Variants in PDE4B observed in about 807,000 individuals in gnomAD.
PDE4B encodes 3',5'-cyclic-AMP phosphodiesterase 4B.
In PDE4B, 20 loss-of-function variants were observed where a neutral mutation model predicts 82.2. The ratio of observed to expected loss-of-function variants is 0.24; its 90% CI spans 0.17 to 0.35. The LOEUF is 0.35. Ranked by LOEUF, PDE4B falls within the 10% of genes least tolerant of loss-of-function variation. The probability of loss-of-function intolerance (pLI) is 1.00; values close to 1 mark genes in which losing one functional copy is unlikely to be tolerated. For missense variants in PDE4B, 655 were observed against 907.2 expected, an observed-to-expected ratio of 0.72 and a Z score of 3.57; for synonymous variants, 320 against 318.9, an observed-to-expected ratio of 1.00 and a Z score of -0.04.
chr1:65,889,747 C>T (rs984491265), intron 1 of PDE4B, among the ~76,000 whole-genome samples: 1 of 152,126 alleles, frequency 6.6e-6, no homozygotes, highest in African/African-American at 2.4e-5. Flanking sequence ...AACAGATGCA[C>T]TGGCAATGTG....
intron 3 of PDE4B, among the ~76,000 whole-genome samples, chr1:66,000,270 G>T (rs1651793322): frequency 6.6e-6 from 1 of 152,078 alleles, no homozygotes; most frequent in Non-Finnish European, 1.5e-5. Flanking sequence ...TTGTTATTTT[G>T]CCTTCAAAAT....
At chr1:66,139,685 C>CA (rs1252147526) in intron 3 of PDE4B, among the ~76,000 whole-genome samples, 1 of 140,652 alleles carries the variant, frequency 7.1e-6, no homozygotes, top group African/African-American at 2.7e-5. Context: ...CCCCTAGAAA[C>CA]AAGGGAGCAT....
chr1:65,989,477 C>T (rs946738865), intron 3 of PDE4B, among the ~76,000 whole-genome samples: 1 of 151,696 alleles, frequency 6.6e-6, no homozygotes, highest in Non-Finnish European at 1.5e-5. Context: ...GGTGACACAG[C>T]GAGACACTGT....
At chr1:65,995,899 A>G (rs1023755839) in intron 3 of PDE4B, among the ~76,000 whole-genome samples, 12 of 152,192 alleles carry the variant, frequency 7.9e-5, no homozygotes, top group African/African-American at 2.9e-4. Flanking sequence ...AATGCAGAGG[A>G]TGCAGTTTAT....
rs144132440 is a variant in PDE4B, at chr1:66,083,130, C to T, written c.281+164295C>T. 3.1e-4 allele frequency among the ~76,000 whole-genome samples: 47 copies of T among 152,220 alleles called. No individual in the cohort carries two copies. The East Asian group carries it at 9.1e-3, about 29-fold the overall frequency. ...ACAGCCTTCTAGTTAGTGTCCATGC[C>T]TATAGTATTTTCTCCTTCATTCTCT... On this transcript the variant is annotated intron_variant, in intron 3 of 16. Coordinates refer to ENST00000341517, the MANE Select transcript of PDE4B (RefSeq NM_002600.4).
intron 1 of PDE4B, among the ~76,000 whole-genome samples, chr1:65,841,835 A>G (rs1646211077): frequency 6.6e-6 from 1 of 152,174 alleles, no homozygotes; most frequent in Admixed American, 6.6e-5. Context: ...TATAAGAGAA[A>G]TTCCATTTTG....
At chr1:66,191,822 T>A (rs1647831720) in intron 3 of PDE4B, among the ~76,000 whole-genome samples, 1 of 152,118 alleles carries the variant, frequency 6.6e-6, no homozygotes, top group Non-Finnish European at 1.5e-5. Context: ...ACGTTTCACA[T>A]AGCAGCAGAC....
At chr1:65,985,621 C>A (rs577429560) in intron 3 of PDE4B, among the ~76,000 whole-genome samples, 1 of 152,166 alleles carries the variant, frequency 6.6e-6, no homozygotes, top group African/African-American at 2.4e-5. Context: ...AACTGGAGTA[C>A]CCTCTTTTAG....
chr1:65,985,055 A>G (rs552710204), intron 3 of PDE4B, among the ~76,000 whole-genome samples: 80 of 152,156 alleles, frequency 5.3e-4, no homozygotes, highest in Non-Finnish European at 1.0e-3. Flanking sequence ...AAATTCTAAT[A>G]TGAACAGATT....
intron 3 of PDE4B, among the ~76,000 whole-genome samples, chr1:65,942,641 A>G (rs778300349): frequency 1.3e-5 from 2 of 151,986 alleles, no homozygotes; most frequent in Non-Finnish European, 2.9e-5. Context: ...TTACATTTTC[A>G]TCTACACTGT....
At chr1:66,105,349 A>T (rs1363468918) in intron 3 of PDE4B, among the ~76,000 whole-genome samples, 2 of 151,632 alleles carry the variant, frequency 1.3e-5, no homozygotes, top group East Asian at 1.9e-4. Context: ...GTAGCCTTGT[A>T]GTATAGTTTG....
intron 3 of PDE4B, among the ~76,000 whole-genome samples, chr1:66,228,160 T>C (rs894253641): frequency 1.4e-4 from 21 of 152,214 alleles, no homozygotes; most frequent in African/African-American, 4.3e-4. Flanking sequence ...ACATCTGTCT[T>C]GTTAACCTGA....
At chr1:65,912,916 A>G (rs755113013) in intron 1 of PDE4B, among the ~76,000 whole-genome samples, 11 of 152,198 alleles carry the variant, frequency 7.2e-5, no homozygotes, top group African/African-American at 2.7e-4. Context: ...AAAATATTTT[A>G]TGGGAATATA....
At chr1:65,953,625 C>T (rs1056675745) in intron 3 of PDE4B, among the ~76,000 whole-genome samples, 1 of 152,060 alleles carries the variant, frequency 6.6e-6, no homozygotes, top group Non-Finnish European at 1.5e-5. Context: ...AGACTGCTGA[C>T]CTTCAGAACT....
intron 3 of PDE4B, among the ~76,000 whole-genome samples, chr1:65,929,780 GA>G (rs1024803277): frequency 7.2e-5 from 11 of 152,152 alleles, no homozygotes; most frequent in Admixed American, 7.2e-4. Context: ...GGTGAATTGG[GA>G]GTGTCAAATG....
chr1:66,368,822 C>T lies in PDE4B; in HGVS notation c.1698C>T (p.Ser566=). The part of the protein sequence containing the change: ...LRNMVHCADL[S]NPTKSLELYR... ...ACATGGTACACTGTGCAGACCTGAGCAACCCCACCAAGTCCTTGGAATTGT... is the reference window on the plus strand; with the variant it reads ...ACATGGTACACTGTGCAGACCTGAGTAACCCCACCAAGTCCTTGGAATTGT... Residue 566 remains serine (S), a synonymous_variant, in exon 16 of 17, where the codon AGC becomes AGT. Coordinates refer to ENST00000341517, the MANE Select transcript of PDE4B (RefSeq NM_002600.4). 1 of 1,611,744 alleles carries T rather than the reference C, an allele frequency of 6.2e-7. No homozygotes were observed. Among genetic ancestry groups the T allele is most frequent in the South Asian group, 1.1e-5 (1 of 90,726 alleles).
chr1:65,955,960 A>T (rs776595336), intron 3 of PDE4B, among the ~76,000 whole-genome samples: 1 of 152,166 alleles, frequency 6.6e-6, no homozygotes, highest in Non-Finnish European at 1.5e-5. Flanking sequence ...ATAATTCAGC[A>T]TATTAAGCAA....
intron 7 of PDE4B, among the ~76,000 whole-genome samples, chr1:66,330,453 T>C (rs1299540857): frequency 1.3e-5 from 2 of 152,212 alleles, no homozygotes; most frequent in Admixed American, 6.5e-5. Context: ...ATCCCTTTTT[T>C]CCTCTGCATG....
intron 3 of PDE4B, among the ~76,000 whole-genome samples, chr1:66,215,006 G>A (rs1304406450): frequency 1.3e-5 from 2 of 152,002 alleles, no homozygotes; most frequent in African/African-American, 4.8e-5. Context: ...GGGTAAAGAT[G>A]AGAGAAAAAA....
Sources: gnomAD v4.1 joint callset for allele counts (sites outside exome capture counted in the v4.1 genomes callset) on GRCh38, gnomAD v4.1.1 for gene constraint, MANE v1.5 for transcripts, NCBI Gene and HGNC (gene_info 2026-07-23, HGNC 2026-07-21) for gene names.